FILIP1L: variants seen among roughly 807,000 people sequenced by gnomAD.
The protein encoded by FILIP1L is filamin A interacting protein 1 like, also known as filamin A-interacting protein 1-like.
In FILIP1L, 55 loss-of-function variants were observed where a neutral mutation model predicts 96.6. The observed-to-expected ratio is 0.57, with a 90% CI of 0.46 to 0.71. The LOEUF (loss-of-function observed/expected upper bound fraction) is 0.71, where lower values mean the gene tolerates loss of function less well. Ranked by LOEUF, FILIP1L falls within the 30% of genes least tolerant of loss-of-function variation. FILIP1L has a pLI of 0.00. For synonymous variants in FILIP1L, 467 were observed against 473.9 expected, an observed-to-expected ratio of 0.99 and a Z score of 0.19; for missense variants, 1,304 against 1,321.2, an observed-to-expected ratio of 0.99 and a Z score of 0.20.
At chr3:99,966,740 A>G (rs2107711249) in intron 1 of FILIP1L, among the ~76,000 whole-genome samples, 1 of 152,364 alleles carries the variant, frequency 6.6e-6, no homozygotes, top group East Asian at 1.9e-4. Context: ...CAGATTTGAA[A>G]AATCATTTGG....
At position 99,840,958 on chromosome 3, in the gene FILIP1L, T is replaced by C. The variant is rs555926079; in HGVS notation, c.3381+7337A>G. On this transcript the variant is annotated intron_variant, in intron 5 of 5. Coordinates refer to ENST00000477258, the MANE Select transcript of FILIP1L (RefSeq NM_001387850.1). ...TAGAGATTGACAGTTTCCCACTTGA[T>C]TAAATGTTGTCTGATACTCTTGTTT... 1.1e-4 allele frequency among the ~76,000 whole-genome samples: 17 copies of C among 152,354 alleles called. No homozygotes were observed. The South Asian group carries it at 3.5e-3, about 32-fold the overall frequency.
intron 1 of FILIP1L, among the ~76,000 whole-genome samples, chr3:100,072,412 G>A (rs2065778278): frequency 6.6e-6 from 1 of 152,204 alleles, no homozygotes; most frequent in Non-Finnish European, 1.5e-5. Flanking sequence ...TAACAGAGTT[G>A]TCTCTGGCTG....
chr3:99,996,158 G>A (rs1559718859), intron 1 of FILIP1L, among the ~76,000 whole-genome samples: 1 of 152,174 alleles, frequency 6.6e-6, no homozygotes, highest in African/African-American at 2.4e-5. Flanking sequence ...GTCACCTCTT[G>A]AATGCTTTGC....
chr3:100,085,830 A>G (rs546725874), intron 1 of FILIP1L, among the ~76,000 whole-genome samples: 6 of 152,328 alleles, frequency 3.9e-5, no homozygotes, highest in African/African-American at 1.4e-4. Flanking sequence ...GTTTCTCTGG[A>G]GACCTCGACT....
intron 1 of FILIP1L, among the ~76,000 whole-genome samples, chr3:99,949,112 A>G (rs1457510083): frequency 2.0e-5 from 3 of 152,228 alleles, no homozygotes; most frequent in African/African-American, 7.2e-5. Context: ...GGAATATTTC[A>G]TAAATGTGAA....
At chr3:100,087,416 T>G (rs1371157608) in intron 1 of FILIP1L, among the ~76,000 whole-genome samples, 1 of 152,242 alleles carries the variant, frequency 6.6e-6, no homozygotes, top group Non-Finnish European at 1.5e-5. Context: ...TTTTGTTTTC[T>G]TTTGTTTTTC....
chr3:99,909,929 G>C (rs1310115541), intron 4 of FILIP1L, among the ~76,000 whole-genome samples: 1 of 138,452 alleles, frequency 7.2e-6, no homozygotes, highest in Non-Finnish European at 1.7e-5. Context: ...TTGTCAACAA[G>C]AGCTGTTGTC....
intron 4 of FILIP1L, among the ~76,000 whole-genome samples, chr3:99,858,630 A>G (rs1252149969): frequency 6.6e-6 from 1 of 152,218 alleles, no homozygotes; most frequent in Non-Finnish European, 1.5e-5. Context: ...TTAATTGAAG[A>G]CAGCTGTATC....
intron 1 of FILIP1L, among the ~76,000 whole-genome samples, chr3:100,062,391 G>A (rs2065588430): frequency 1.3e-5 from 2 of 152,072 alleles, no homozygotes; most frequent in African/African-American, 4.8e-5. Flanking sequence ...GATTACAGGT[G>A]TGAGCCACCG....
At chr3:100,060,977 G>A (rs375109224) in intron 1 of FILIP1L, among the ~76,000 whole-genome samples, 3 of 152,198 alleles carry the variant, frequency 2.0e-5, no homozygotes, top group South Asian at 4.2e-4. Context: ...CTCATTAACC[G>A]CACGAGGTGA....
At chr3:100,107,034 G>C (rs939748645) in intron 1 of FILIP1L, among the ~76,000 whole-genome samples, 2 of 152,084 alleles carry the variant, frequency 1.3e-5, no homozygotes, top group Admixed American at 6.6e-5. Flanking sequence ...TATGGATTTT[G>C]TTACACAGCC....
intron 1 of FILIP1L, among the ~76,000 whole-genome samples, chr3:99,949,644 C>A (rs1708118147): frequency 6.6e-6 from 1 of 152,188 alleles, no homozygotes; most frequent in Non-Finnish European, 1.5e-5. Context: ...CAAAGAAGTG[C>A]ATGGTGCTTA....
At chr3:100,091,284 CAA>C (rs570908389) in intron 1 of FILIP1L, among the ~76,000 whole-genome samples, 13 of 59,080 alleles carry the variant, frequency 2.2e-4, no homozygotes, top group East Asian at 5.5e-4. Context: ...GACTCCGTCT[CAA>C]AAAAAAAAAA....
chr3:99,844,160 T>C (rs1196662267), intron 5 of FILIP1L, among the ~76,000 whole-genome samples: 6 of 152,148 alleles, frequency 3.9e-5, no homozygotes, highest in Admixed American at 2.0e-4. Context: ...TTACAGCATA[T>C]TGCTAGCCCA....
chr3:99,890,538 G>A (rs1482316095), intron 4 of FILIP1L, among the ~76,000 whole-genome samples: 2 of 151,986 alleles, frequency 1.3e-5, no homozygotes, highest in Non-Finnish European at 2.9e-5. Context: ...CTACTCTTCA[G>A]TTATTCCATC....
chr3:100,065,919 G>T (rs1322141431), intron 1 of FILIP1L, among the ~76,000 whole-genome samples: 2 of 152,160 alleles, frequency 1.3e-5, no homozygotes, highest in African/African-American at 4.8e-5. Context: ...CATCACCTGG[G>T]GACTTTTCAG....
chr3:99,968,790 T>G (rs764797811), intron 1 of FILIP1L, among the ~76,000 whole-genome samples: 7 of 152,192 alleles, frequency 4.6e-5, no homozygotes, highest in Non-Finnish European at 7.3e-5. Context: ...TGGTGTCTCA[T>G]CAGAGAAGTT....
intron 5 of FILIP1L, among the ~76,000 whole-genome samples, chr3:99,835,247 A>G (rs1385670063): frequency 6.6e-6 from 1 of 152,226 alleles, no homozygotes; most frequent in Non-Finnish European, 1.5e-5. Context: ...AGGCCCACTC[A>G]CATGTCCTTT....
At chr3:99,830,862 C>T (rs768672044) in intron 5 of FILIP1L, among the ~76,000 whole-genome samples, 4 of 152,104 alleles carry the variant, frequency 2.6e-5, no homozygotes, top group South Asian at 4.1e-4. Context: ...TTGGCAATCA[C>T]GGTGTAGTAG....
Sources: gnomAD v4.1 joint callset for allele counts (sites outside exome capture counted in the v4.1 genomes callset) on GRCh38, gnomAD v4.1.1 for gene constraint, MANE v1.5 for transcripts, NCBI Gene and HGNC (gene_info 2026-07-23, HGNC 2026-07-21) for gene names.